The following CCDC57 variants were observed in gnomAD, a reference collection of about 807,000 sequenced individuals.
CCDC57 encodes the protein coiled-coil domain-containing protein 57.
Under a neutral mutation model 118.9 loss-of-function variants are expected in CCDC57, and 118 were observed. The ratio of observed to expected loss-of-function variants is 0.99; its 90% confidence interval spans 0.86 to 1.16. CCDC57 has a LOEUF of 1.16. Ranked by LOEUF, CCDC57 falls within the 50% of genes most tolerant of loss-of-function variation. The pLI, the probability that CCDC57 is intolerant of heterozygous loss-of-function variation, is 0.00. For synonymous variants in CCDC57, 527 were observed against 532.9 expected, an observed-to-expected ratio of 0.99 and a Z score of 0.15; for missense variants, 1,300 against 1,320.7, an observed-to-expected ratio of 0.98 and a Z score of 0.24.
intron 1 of CCDC57, among the ~76,000 whole-genome samples, chr17:82,208,916 TGG>T (rs2049974964): frequency 6.6e-6 from 1 of 152,158 alleles, no homozygotes; most frequent in Admixed American, 6.6e-5. Context: ...TCACCCAGGA[TGG>T]AGTGCAGTGG....
At chr17:82,134,246 C>T in intron 16 of CCDC57, 52 bp from the exon 16 acceptor site, 1 of 1,265,500 alleles carries the variant, frequency 7.9e-7, no homozygotes, top group African/African-American at 1.5e-5. Context: ...CTTCTGGATT[C>T]CTCTTGTGTT....
intron 17 of CCDC57, among the ~76,000 whole-genome samples, chr17:82,130,502 T>G (rs1443048120): frequency 7.1e-6 from 1 of 141,078 alleles, no homozygotes; most frequent in Non-Finnish European, 1.5e-5. Context: ...GACAAAACTT[T>G]TTTTTTTTTT....
rs1285973451 is a variant in CCDC57, at chr17:82,192,312, T to C, written c.851+1444A>G. Among the ~76,000 whole-genome samples the C allele has an allele frequency of 1.3e-5, 2 of 152,140 alleles. No homozygotes were observed. Among genetic ancestry groups the C allele is most frequent in the South Asian group, 2.1e-4 (1 of 4,822 alleles). On this transcript the variant is annotated intron_variant, in intron 7 of 19. Coordinates refer to ENST00000665763, the Ensembl canonical transcript of CCDC57. The surrounding 1 kb of genome is among the most constrained non-coding windows in gnomAD (Gnocchi z 4.0). Reference sequence around the variant, plus strand: ...GCTAGCATTACTTTAAGAATCAGCATAGGATACACACAACATGCCCAATGT... The same window carrying C: ...GCTAGCATTACTTTAAGAATCAGCACAGGATACACACAACATGCCCAATGT...
rs541596140 is a variant in CCDC57 at position 82,110,502 on chromosome 17, G to A, written c.2900-8636C>T. ...CATCAACGGGGACTGGTTGGCTTGA[G>A]TCATGAGGCACAGGAGGTCTAACCT... On this transcript the variant is annotated intron_variant, in intron 19 of 19. Transcript: ENST00000665763. Among the ~76,000 whole-genome samples, 9 of 152,300 alleles carry A rather than the reference G, an allele frequency of 5.9e-5. No homozygotes were observed. The South Asian group carries it at 1.9e-3, about 32-fold the overall frequency.
At chr17:82,195,290 G>A (rs1304706081) in exon 5 of CCDC57, 5 of 1,600,502 alleles carry the variant, frequency 3.1e-6, no homozygotes, top group Non-Finnish European at 1.7e-6. Context: ...AGGCTGTGTT[G>A]CTCATGTTGT....
chr17:82,126,253 C>A, intron 19 of CCDC57: 1 of 461,718 alleles, frequency 2.2e-6, no homozygotes, highest in Non-Finnish European at 2.8e-6. Context: ...GCACTCCAGC[C>A]CGAGCAACAA....
At chr17:82,101,978 G>A (rs2034482878) in intron 19 of CCDC57, 112 bp from the exon 19 acceptor site, 2 of 1,082,786 alleles carry the variant, frequency 1.8e-6, no homozygotes, top group South Asian at 1.9e-5. Flanking sequence ...GCCAGCGGGG[G>A]CCCTGTGACC....
intron 7 of CCDC57, among the ~76,000 whole-genome samples, chr17:82,189,182 C>T (rs2146639015): frequency 6.6e-6 from 1 of 151,980 alleles, no homozygotes; most frequent in Middle Eastern, 3.4e-3. Context: ...GTGGGAGGAC[C>T]ACCGGAGCGT....
chr17:82,184,037 A>ACACACC (rs2046623854), intron 8 of CCDC57, 105 bp from the exon 8 acceptor site: 1 of 318,514 alleles, frequency 3.1e-6, no homozygotes, highest in Admixed American at 4.5e-5. Flanking sequence ...GCGCGCACAC[A>ACACACC]CACACACACA....
intron 15 of CCDC57, chr17:82,157,381 C>A: frequency 1.8e-6 from 2 of 1,098,738 alleles, no homozygotes; most frequent in Non-Finnish European, 2.3e-6. Context: ...TGGCTGTGCA[C>A]GCAGACGCCC....
At chr17:82,183,798 G>A in exon 9 of CCDC57, 1 of 1,577,540 alleles carries the variant, frequency 6.3e-7, no homozygotes, top group East Asian at 2.3e-5. Flanking sequence ...CTGGGATCGG[G>A]CCACCTGTGC....
intron 16 of CCDC57, among the ~76,000 whole-genome samples, chr17:82,134,592 G>A (rs932281376): frequency 3.3e-5 from 5 of 152,114 alleles, no homozygotes; most frequent in African/African-American, 9.7e-5. Context: ...CCAGGAGTTC[G>A]AGATCAGCCT....
At chr17:82,138,771 G>C (rs1405481829) in intron 16 of CCDC57, among the ~76,000 whole-genome samples, 1 of 150,624 alleles carries the variant, frequency 6.6e-6, no homozygotes, top group Non-Finnish European at 1.5e-5. Flanking sequence ...ACTGTGTGCT[G>C]TGCTGCACGG....
chr17:82,198,455 T>C lies in CCDC57; in HGVS notation c.408-33A>G, dbSNP rs544344235. The C allele has an allele frequency of 2.3e-5, 32 of 1,381,776 alleles. No individual in the cohort carries two copies. The South Asian group carries it at 3.2e-4, about 14-fold the overall frequency. 85.6% of individuals were successfully genotyped at this position (1,381,776 alleles called of 1,614,324 possible). A position where few individuals can be genotyped will look rare whatever the true frequency, so the allele number is the denominator to read the frequency against. On this transcript the variant is annotated intron_variant, in intron 3 of 19. Coordinates refer to ENST00000665763, the Ensembl canonical transcript of CCDC57. ...AATAAAACAGCATTAAGAAAAGCCATACCAAATATTCAGCAAAGGTAATAC... is the reference window on the plus strand; with the variant it reads ...AATAAAACAGCATTAAGAAAAGCCACACCAAATATTCAGCAAAGGTAATAC...
At chr17:82,123,121 AC>A (rs2036943052) in intron 19 of CCDC57, among the ~76,000 whole-genome samples, 1 of 110,060 alleles carries the variant, frequency 9.1e-6, no homozygotes, top group African/African-American at 3.6e-5. Context: ...CCTCCTAATA[AC>A]TTTTTTTTTT....
intron 13 of CCDC57, among the ~76,000 whole-genome samples, chr17:82,166,942 CA>C (rs201560800): frequency 3.4e-5 from 5 of 148,056 alleles, no homozygotes; most frequent in Non-Finnish European, 6.0e-5. Flanking sequence ...ACAACAACAA[CA>C]AAAAAAAAGG....
intron 16 of CCDC57, among the ~76,000 whole-genome samples, chr17:82,136,047 T>C (rs1315954965): frequency 1.3e-5 from 2 of 152,226 alleles, no homozygotes; most frequent in African/African-American, 2.4e-5. Context: ...CTGGTGGGCA[T>C]GGGAGGCGGT....
Position 82,172,941 on chromosome 17 carries a change from CCG to C in CCDC57, c.1507-83_1507-82del. 7.6e-7 allele frequency: 1 copy of C among 1,319,810 alleles called. No homozygotes were observed. Among genetic ancestry groups the C allele is most frequent in the South Asian group, 1.3e-5 (1 of 79,258 alleles). 81.8% of individuals were successfully genotyped at this position (1,319,810 alleles called of 1,614,324 possible). A position where few individuals can be genotyped will look rare whatever the true frequency, so the allele number is the denominator to read the frequency against. On this transcript the variant is annotated intron_variant, in intron 11 of 19. Transcript: ENST00000665763. The surrounding 1 kb of genome is among the most constrained non-coding windows in gnomAD (Gnocchi z 5.2). ...CTGACAGGCTGTGCCTCCGCTCTCC[CCG>C]CGCCCCTCTCGGGCCGGTCCCCCGC...
At chr17:82,113,453 C>T (rs1226786330) in intron 19 of CCDC57, 1 of 717,494 alleles carries the variant, frequency 1.4e-6, no homozygotes, top group Non-Finnish European at 2.6e-6. Context: ...GAGCAGGGTC[C>T]TCTCCTTCCT....
Sources: gnomAD v4.1 joint callset for allele counts (sites outside exome capture counted in the v4.1 genomes callset) on GRCh38, gnomAD v4.1.1 for gene constraint, Gnocchi (gnomAD v3.1) non-coding constraint, MANE v1.5 for transcripts, NCBI Gene and HGNC (gene_info 2026-07-23, HGNC 2026-07-21) for gene names.